NPLOC4: variants seen among roughly 807,000 people sequenced by gnomAD.
NPLOC4 encodes nuclear protein localization protein 4 homolog.
Under a neutral mutation model 80.6 loss-of-function variants are expected in NPLOC4, and 18 were observed. The observed-to-expected ratio is 0.22, with a 90% CI of 0.15 to 0.33. NPLOC4 has a LOEUF of 0.33. Ranked by LOEUF, NPLOC4 falls within the 10% of genes least tolerant of loss-of-function variation. NPLOC4 has a pLI of 1.00. For missense variants in NPLOC4, 540 were observed against 786.1 expected (o/e 0.69, Z 3.74); for synonymous variants, 313 against 301.5 (o/e 1.04, Z -0.39).
intron 9 of NPLOC4, among the ~76,000 whole-genome samples, chr17:81,597,818 G>A (rs888057121): frequency 1.9e-4 from 29 of 150,908 alleles, no homozygotes; most frequent in African/African-American, 5.8e-4. Flanking sequence ...GGGCGTGGCC[G>A]GGTGTGGTGG....
chr17:81,584,473 G>A (rs2144117579), intron 12 of NPLOC4, among the ~76,000 whole-genome samples: 1 of 152,138 alleles, frequency 6.6e-6, no homozygotes, highest in East Asian at 1.9e-4. Context: ...TAATCCTACA[G>A]CAAACTCACA....
intron 3 of NPLOC4, among the ~76,000 whole-genome samples, chr17:81,615,365 G>A (rs1236121617): frequency 2.0e-5 from 3 of 152,046 alleles, no homozygotes; most frequent in Non-Finnish European, 4.4e-5. Flanking sequence ...CTCCCAAAGT[G>A]CTAGGATTAC....
chr17:81,629,382 G>A (rs1449555691), intron 2 of NPLOC4, among the ~76,000 whole-genome samples: 1 of 151,944 alleles, frequency 6.6e-6, no homozygotes, highest in East Asian at 1.9e-4. Context: ...AGTAGACGGG[G>A]TTTCACCATC....
chr17:81,603,413 T>C lies in NPLOC4; in HGVS notation c.834+1135A>G, dbSNP rs775151504. Among the ~76,000 whole-genome samples, 164 of 151,994 alleles carry C rather than the reference T, an allele frequency of 1.1e-3. 1 individual carries two copies. The highest frequency in any genetic ancestry group is 1.9e-3 in the Non-Finnish European group (128 of 67,982). On this transcript the variant is annotated intron_variant, in intron 8 of 16. Transcript: ENST00000331134. ...TAGTTCAAGACCAACCTGGGCAATATAGCGAGACCCTGACTCTACCAAAAA... is the reference window on the plus strand; with the variant it reads ...TAGTTCAAGACCAACCTGGGCAATACAGCGAGACCCTGACTCTACCAAAAA...
At chr17:81,623,722 C>T (rs6565608) in intron 2 of NPLOC4, among the ~76,000 whole-genome samples, 81,395 of 149,342 alleles carry the variant, frequency 0.55, 23,192 homozygotes, top group East Asian at 0.77. Context: ...GGCGTGAACC[C>T]GGGAGGCGGA....
At position 81,588,995 on chromosome 17, in the gene NPLOC4, G is replaced by A; in HGVS notation, c.1230C>T (p.Gly410=). ...LLPCKDAPEL[G]YAKESSSEQY... is the part of the protein sequence containing the mutation. ...GCTCACTGCTAGACTCCTTGGCGTAGCCAAGCTCCGGGGCGTCCTTGCATG... is the reference window on the plus strand; with the variant it reads ...GCTCACTGCTAGACTCCTTGGCGTAACCAAGCTCCGGGGCGTCCTTGCATG... The change falls in exon 12 of 17, where the codon GGC becomes GGT. Residue 410 remains glycine (G), a synonymous_variant. Coordinates refer to ENST00000331134, the MANE Select transcript of NPLOC4 (RefSeq NM_017921.4). The A allele has an allele frequency of 6.2e-7, 1 of 1,614,048 alleles. No individual in the cohort carries two copies. Among genetic ancestry groups the A allele is most frequent in the South Asian group, 1.1e-5 (1 of 91,086 alleles).
intron 1 of NPLOC4, among the ~76,000 whole-genome samples, chr17:81,633,962 G>A (rs1310447520): frequency 6.6e-6 from 1 of 151,774 alleles, no homozygotes; most frequent in African/African-American, 2.4e-5. Context: ...CGCCTCCCGG[G>A]TTCTAACTTT....
chr17:81,623,281 T>G (rs1598683979), intron 2 of NPLOC4, among the ~76,000 whole-genome samples: 1 of 139,382 alleles, frequency 7.2e-6, no homozygotes, highest in Admixed American at 7.3e-5. Context: ...ACCAGCCTGG[T>G]CAACATAGTG....
chr17:81,578,507 T>C (rs1462626980), intron 12 of NPLOC4, among the ~76,000 whole-genome samples: 1 of 152,170 alleles, frequency 6.6e-6, no homozygotes, highest in Non-Finnish European at 1.5e-5. Context: ...TGCCCAAGAC[T>C]GGGTAATTTA....
intron 1 of NPLOC4, among the ~76,000 whole-genome samples, chr17:81,631,811 T>C (rs534646101): frequency 3.3e-5 from 5 of 152,218 alleles, no homozygotes; most frequent in African/African-American, 1.2e-4. Flanking sequence ...CATTTTTTTT[T>C]TCCCCGAGAT....
chr17:81,572,010 C>A lies in NPLOC4; in HGVS notation c.1353+7G>T. ...ACCTGCCCAAGCTGTGCATGGGGGG[C>A]ACTTACGTCTATGATGAGATACTCC... On this transcript the variant is annotated splice_region_variant and intron_variant, in intron 13 of 16. Coordinates refer to ENST00000331134, the MANE Select transcript of NPLOC4 (RefSeq NM_017921.4). The surrounding 1 kb of genome is among the most constrained non-coding windows in gnomAD (Gnocchi z 4.5). 6.3e-7 allele frequency: 1 copy of A among 1,597,142 alleles called. No individual in the cohort carries two copies. The highest frequency in any genetic ancestry group is 1.1e-5 in the South Asian group (1 of 88,520).
At chr17:81,596,020 A>C (rs1002139145) in intron 11 of NPLOC4, 96 bp downstream of exon 11, 3 of 1,245,488 alleles carry the variant, frequency 2.4e-6, no homozygotes, top group Middle Eastern at 2.0e-4. Flanking sequence ...AAGAAAGTCC[A>C]GTATAACTAA....
chr17:81,610,075 C>A, intron 5 of NPLOC4, 135 bp downstream of exon 5: 1 of 699,126 alleles, frequency 1.4e-6, no homozygotes. Context: ...AATATGAGGC[C>A]CAGGGCAATA....
chr17:81,596,963 A>C (rs1027384592), intron 10 of NPLOC4, among the ~76,000 whole-genome samples: 1 of 151,926 alleles, frequency 6.6e-6, no homozygotes, highest in African/African-American at 2.4e-5. Context: ...ATACAAAAAA[A>C]TTAGCTGGGC....
At chr17:81,574,625 C>T (rs142133512) in intron 12 of NPLOC4, among the ~76,000 whole-genome samples, 4 of 152,296 alleles carry the variant, frequency 2.6e-5, no homozygotes, top group Non-Finnish European at 4.4e-5. Context: ...GGCCCCAACA[C>T]CTCGCCACCC....
chr17:81,576,112 G>C lies in NPLOC4; in HGVS notation c.1282-4024C>G, dbSNP rs116152183. On this transcript the variant is annotated intron_variant, in intron 12 of 16. Transcript: ENST00000331134. ...CAGAAGTAAGACATGAGGAGACACA[G>C]ATACCTTGTTTTACAATGAACAGTG... is the stretch of plus-strand genomic sequence containing the variant. 3.0e-3 allele frequency among the ~76,000 whole-genome samples: 456 copies of C among 152,336 alleles called. 1 individual carries two copies. The highest frequency in any genetic ancestry group is 0.01 in the African/African-American group (425 of 41,566).
intron 12 of NPLOC4, among the ~76,000 whole-genome samples, chr17:81,586,050 T>C (rs1375717927): frequency 6.6e-6 from 1 of 151,994 alleles, no homozygotes; most frequent in Non-Finnish European, 1.5e-5. Context: ...TCTGTGAGGC[T>C]GAGGTGGGTA....
chr17:81,602,372 C>G (rs1302866292), intron 8 of NPLOC4, among the ~76,000 whole-genome samples: 2 of 151,854 alleles, frequency 1.3e-5, no homozygotes, highest in African/African-American at 4.8e-5. Context: ...CACAGAGACC[C>G]TCCCTGTATA....
chr17:81,619,335 C>T (rs959730880), intron 3 of NPLOC4, among the ~76,000 whole-genome samples: 10 of 151,368 alleles, frequency 6.6e-5, no homozygotes, highest in African/African-American at 2.4e-4. Flanking sequence ...TGAAATCGCG[C>T]CACTGGACTC....
Sources: allele counts gnomAD v4.1 joint callset (sites outside exome capture counted in the v4.1 genomes callset), GRCh38; gene constraint gnomAD v4.1.1; non-coding constraint Gnocchi (gnomAD v3.1); transcripts MANE v1.5; gene names NCBI Gene and HGNC (gene_info 2026-07-23, HGNC 2026-07-21).